CYP3A5: variants seen among roughly 807,000 people sequenced by gnomAD.
The protein encoded by CYP3A5 is cytochrome P450 3A5.
CYP3A5 carries 51 observed loss-of-function variants against 55.9 expected under a neutral mutation model. The ratio of observed to expected loss-of-function variants is 0.91; its 90% CI spans 0.73 to 1.15. The LOEUF is 1.15. Ranked by LOEUF, CYP3A5 falls within the 50% of genes most tolerant of loss-of-function variation. The pLI is 0.00. For missense variants in CYP3A5, 533 were observed against 596.6 expected (o/e 0.89, Z 1.11); for synonymous variants, 196 against 213.9 (o/e 0.92, Z 0.73).
Position 99,648,290 on chromosome 7 carries a change from A to G in CYP3A5, c.*15T>C, listed in dbSNP as rs764389976. 6 of 1,605,976 alleles carry G rather than the reference A, an allele frequency of 3.7e-6. No homozygotes were observed. The highest frequency in any genetic ancestry group is 4.2e-6 in the Non-Finnish European group (5 of 1,176,476). On this transcript the variant is annotated 3_prime_UTR_variant, in exon 13 of 13. Coordinates refer to ENST00000222982, the MANE Select transcript of CYP3A5 (RefSeq NM_000777.5). ...CAGCTTTCTTGAAGACCAAAGTAGA[A>G]ATCCTTAGAATAACTCATTCTCCAC...
chr7:99,676,759 T>C (rs1369500443), intron 1 of CYP3A5, among the ~76,000 whole-genome samples: 1 of 152,170 alleles, frequency 6.6e-6, no homozygotes, highest in Non-Finnish European at 1.5e-5. Context: ...GATCTAGCCC[T>C]TCTTAAACGT....
intron 11 of CYP3A5, among the ~76,000 whole-genome samples, chr7:99,652,009 C>T (rs973650054): frequency 2.0e-5 from 3 of 152,078 alleles, no homozygotes; most frequent in Admixed American, 6.5e-5. Flanking sequence ...TAGCAAGTAA[C>T]GTTGAAAGCA....
In CYP3A5 at chr7:99,653,341, C is replaced by T. The variant is rs974275545; in HGVS notation, c.1027-562G>A. ...TGGCGTGTGCCTGTAGTTCCAGCTACTCAGGAGACAGAGGCGGGAGGATGG... is the reference window on the plus strand; with the variant it reads ...TGGCGTGTGCCTGTAGTTCCAGCTATTCAGGAGACAGAGGCGGGAGGATGG... On this transcript the variant is annotated intron_variant, in intron 10 of 12. Transcript: ENST00000222982. This position sits in a 1 kb window ranked among gnomAD's most constrained non-coding sequence, Gnocchi z 4.2. 6.6e-6 allele frequency among the ~76,000 whole-genome samples: 1 copy of T among 152,072 alleles called. No homozygotes were observed. The highest frequency in any genetic ancestry group is 1.5e-5 in the Non-Finnish European group (1 of 68,006).
intron 10 of CYP3A5, among the ~76,000 whole-genome samples, chr7:99,656,751 A>G (rs1002594380): frequency 3.3e-5 from 5 of 152,112 alleles, no homozygotes; most frequent in African/African-American, 1.2e-4. Flanking sequence ...TATTGCCTCA[A>G]TTTCAGAACC....
At chr7:99,660,339 A>C in intron 10 of CYP3A5, 160 bp downstream of exon 10, 1 of 1,284,462 alleles carries the variant, frequency 7.8e-7, no homozygotes, top group Non-Finnish European at 9.9e-7. Flanking sequence ...ACCGTTCTCT[A>C]TGTTTCTCCC....
rs753526701 is a variant in CYP3A5 at position 99,679,882 on chromosome 7, TG to T, written c.14del (p.Pro5GlnfsTer85). 1.2e-5 allele frequency: 19 copies of T among 1,613,964 alleles called. No individual in the cohort carries two copies. Among genetic ancestry groups the T allele is most frequent in the Non-Finnish European group, 3.4e-6 (4 of 1,179,966 alleles). Reference protein sequence around the residue: MDLIPNLAVETWLLL... With the variant: MDLIXNLAVETWLLL... ...GAAGCCAGGTTTCCACCGCCAAATTTGGGATGAGGTCCATCGCCACTTTCCT... is the reference window on the plus strand; with the variant it reads ...GAAGCCAGGTTTCCACCGCCAAATTTGGATGAGGTCCATCGCCACTTTCCT... On this transcript the variant is annotated frameshift_variant, in exon 1 of 13. Transcript: ENST00000222982. LOFTEE classifies it high-confidence loss of function.
intron 10 of CYP3A5, among the ~76,000 whole-genome samples, chr7:99,656,439 T>A (rs1323186879): frequency 6.6e-6 from 1 of 152,220 alleles, no homozygotes; most frequent in Non-Finnish European, 1.5e-5. Context: ...GCCCACTTGA[T>A]CATGGTGGAT....
At chr7:99,648,488 A>C in intron 12 of CYP3A5, 88 bp from the exon 13 acceptor site, 2 of 717,128 alleles carry the variant, frequency 2.8e-6, no homozygotes, top group South Asian at 1.6e-5. Flanking sequence ...TATGACAAAA[A>C]TGCTTTGCAA....
chr7:99,661,275 A>G (rs1384749391), intron 9 of CYP3A5, among the ~76,000 whole-genome samples: 2 of 152,222 alleles, frequency 1.3e-5, no homozygotes, highest in African/African-American at 4.8e-5. Flanking sequence ...AAACCCCACC[A>G]TCGAACTACT....
At chr7:99,674,474 A>C in intron 3 of CYP3A5, 59 bp downstream of exon 3, 11 of 1,369,776 alleles carry the variant, frequency 8.0e-6, no homozygotes, top group Non-Finnish European at 2.1e-6. Context: ...ACTATCCTGC[A>C]GTGGGGTAAC....
intron 10 of CYP3A5, among the ~76,000 whole-genome samples, chr7:99,656,372 C>T (rs922052676): frequency 6.6e-6 from 1 of 152,106 alleles, no homozygotes; most frequent in African/African-American, 2.4e-5. Flanking sequence ...TGTTTATATG[C>T]TGGATTATGT....
Position 99,666,609 on chromosome 7 carries a change from G to C in CYP3A5, c.513C>G (p.Thr171=). 6.2e-7 allele frequency: 1 copy of C among 1,613,762 alleles called. No individual in the cohort carries two copies. The highest frequency in any genetic ancestry group is 1.1e-5 in the South Asian group (1 of 91,066). The change falls in exon 6 of 13, where the codon ACC becomes ACG. Residue 171 remains threonine (T), a synonymous_variant. Transcript: ENST00000222982. The part of the protein sequence containing the change: ...RREAEKGKPV[T]LKDIFGAYSM... ...GCTGTGCTCCTACTTACTCTTTCAA[G>C]GTGACAGGCTTGCCTTTCTCTGCTT...
At chr7:99,678,432 C>T (rs1000610190) in intron 1 of CYP3A5, among the ~76,000 whole-genome samples, 2 of 152,306 alleles carry the variant, frequency 1.3e-5, no homozygotes, top group East Asian at 3.9e-4. Context: ...GAGTTTAAGA[C>T]AATCTGCTAA....
rs68178885 is a variant in CYP3A5, at chr7:99,666,729, A to G, written c.433-40T>C. On this transcript the variant is annotated intron_variant, in intron 5 of 12. Transcript: ENST00000222982. Reference sequence around the variant, plus strand: ...GATCAGTACCTGTAGTTAAATGTGCAGACTCAAGTCCCAGAAGGATATGGC... The same window carrying G: ...GATCAGTACCTGTAGTTAAATGTGCGGACTCAAGTCCCAGAAGGATATGGC... 1,336 of 1,613,910 alleles carry G rather than the reference A, an allele frequency of 8.3e-4. 8 individuals are homozygous for G. The highest frequency in any genetic ancestry group is 5.5e-3 in the Middle Eastern group (33 of 6,054).
At chr7:99,665,352 C>T in intron 6 of CYP3A5, 38 bp from the exon 7 acceptor site, 1 of 1,612,116 alleles carries the variant, frequency 6.2e-7, no homozygotes, top group Non-Finnish European at 8.5e-7. Flanking sequence ...AAATCAGCAC[C>T]TCTTACCGTC....
At chr7:99,674,470 C>T in intron 3 of CYP3A5, 63 bp downstream of exon 3, 1 of 1,339,268 alleles carries the variant, frequency 7.5e-7, no homozygotes, top group Non-Finnish European at 1.1e-6. Context: ...AGAGACTATC[C>T]TGCAGTGGGG....
chr7:99,659,796 T>C (rs10258552), intron 10 of CYP3A5: 37,279 of 153,312 alleles, frequency 0.24, 8,295 homozygotes, highest in African/African-American at 0.59. Context: ...CCCCCAGCCT[T>C]GCTGCTGCCT....
At chr7:99,654,770 C>T (rs531921424) in intron 10 of CYP3A5, among the ~76,000 whole-genome samples, 1 of 152,326 alleles carries the variant, frequency 6.6e-6, no homozygotes, top group East Asian at 1.9e-4. Flanking sequence ...TTAATGATCG[C>T]CATTCTAACT....
chr7:99,662,744 T>C lies in CYP3A5; in HGVS notation c.865+72A>G. The C allele has an allele frequency of 7.1e-7, 1 of 1,403,504 alleles. No homozygotes were observed. Among genetic ancestry groups the C allele is most frequent in the South Asian group, 1.2e-5 (1 of 85,566 alleles). The allele number at this position is 1,403,504 out of a possible 1,614,324, so 86.9% of individuals were successfully genotyped here. On this transcript the variant is annotated intron_variant, in intron 9 of 12. Coordinates refer to ENST00000222982, the MANE Select transcript of CYP3A5 (RefSeq NM_000777.5). This position sits in a 1 kb window ranked among gnomAD's most constrained non-coding sequence, Gnocchi z 4.3. ...ATTCTCATCTTCCTGGAATACTTCC[T>C]GCACATTTTCAGAACAAGGCCCTCC...
Sources: allele counts gnomAD v4.1 joint callset (sites outside exome capture counted in the v4.1 genomes callset), GRCh38; gene constraint gnomAD v4.1.1; non-coding constraint Gnocchi (gnomAD v3.1); transcripts MANE v1.5; gene names NCBI Gene and HGNC (gene_info 2026-07-23, HGNC 2026-07-21).